Variants in METTL15 observed in about 807,000 individuals in gnomAD.
The protein encoded by METTL15 is 12S rRNA N(4)-cytidine methyltransferase METTL15.
METTL15 carries 34 observed loss-of-function variants against 38.3 expected under a neutral mutation model. That is an observed-to-expected ratio of 0.89 (90% confidence interval 0.68 to 1.18). The LOEUF is 1.18. Ranked by LOEUF, METTL15 falls within the 50% of genes most tolerant of loss-of-function variation. METTL15 has a pLI of 0.00. For synonymous variants in METTL15, 162 were observed against 170.9 expected (o/e 0.95, Z 0.41); for missense variants, 438 against 498.4 (o/e 0.88, Z 1.15).
intron 3 of METTL15, among the ~76,000 whole-genome samples, chr11:28,121,870 GGGA>G (rs1194188086): frequency 6.6e-6 from 1 of 151,856 alleles, no homozygotes; most frequent in African/African-American, 2.4e-5. Context: ...TCTGTTATTT[GGGA>G]TAAATGTAGC....
At chr11:28,497,301 G>A in intron 6 of METTL15, among the ~76,000 whole-genome samples, 1 of 152,298 alleles carries the variant, frequency 6.6e-6, no homozygotes, top group East Asian at 1.9e-4. Context: ...ATGACGTGGT[G>A]CCACAACATA....
At chr11:28,521,113 T>C (rs1000598506) in intron 6 of METTL15, among the ~76,000 whole-genome samples, 1 of 152,192 alleles carries the variant, frequency 6.6e-6, no homozygotes, top group East Asian at 1.9e-4. Flanking sequence ...TCCATAATTG[T>C]ATTTTATACA....
chr11:28,481,742 A>C (rs553424717), intron 6 of METTL15, among the ~76,000 whole-genome samples: 5 of 152,266 alleles, frequency 3.3e-5, no homozygotes, highest in African/African-American at 1.2e-4. Context: ...CCTGTGTGAC[A>C]GTTCCAGTAG....
intron 5 of METTL15, among the ~76,000 whole-genome samples, chr11:28,392,450 A>G (rs773390488): frequency 3.9e-5 from 6 of 152,100 alleles, no homozygotes; most frequent in Non-Finnish European, 5.9e-5. Flanking sequence ...TGGTCAAATG[A>G]TCTTAAACAA....
intron 5 of METTL15, among the ~76,000 whole-genome samples, chr11:28,374,801 T>G (rs969611906): frequency 6.0e-5 from 9 of 150,720 alleles, no homozygotes; most frequent in Non-Finnish European, 1.0e-4. Flanking sequence ...TGGCTGTGGG[T>G]TTGTCATAGA....
In METTL15 at chr11:28,296,822, A is replaced by G. The variant is rs773229904; in HGVS notation, c.669A>G (p.Leu223=). 9.3e-6 allele frequency: 15 copies of G among 1,613,376 alleles called. No homozygotes were observed. Among genetic ancestry groups the G allele is most frequent in the Non-Finnish European group, 1.3e-5 (15 of 1,179,688 alleles). The part of the protein sequence containing the change: ...ALDQQALASI[L]RTYGEEKHAK... ...ATCAACAGGCACTTGCATCTATCCTAAGAACATACGGGGAGGAGAAGCATG... is the reference window on the plus strand; with the variant it reads ...ATCAACAGGCACTTGCATCTATCCTGAGAACATACGGGGAGGAGAAGCATG... The change falls in exon 6 of 7, where the codon CTA becomes CTG. Residue 223 remains leucine, a synonymous_variant. Transcript: ENST00000407364.
chr11:28,130,587 G>T (rs1238103719), intron 3 of METTL15, among the ~76,000 whole-genome samples: 1 of 150,510 alleles, frequency 6.6e-6, no homozygotes, highest in Non-Finnish European at 1.5e-5. Flanking sequence ...TGAGCTGATG[G>T]AAAGGTCTAG....
intron 6 of METTL15, among the ~76,000 whole-genome samples, chr11:28,481,503 G>A (rs1450793019): frequency 6.6e-6 from 1 of 152,138 alleles, no homozygotes; most frequent in African/African-American, 2.4e-5. Flanking sequence ...CCCTGCAAAG[G>A]GATTCAGTCT....
chr11:28,389,752 T>C (rs1378959675), intron 5 of METTL15, among the ~76,000 whole-genome samples: 1 of 151,774 alleles, frequency 6.6e-6, no homozygotes, highest in Non-Finnish European at 1.5e-5. Context: ...TACCCAGTAA[T>C]GGGATGGCTG....
At chr11:28,262,414 A>C (rs1166675678) in intron 4 of METTL15, among the ~76,000 whole-genome samples, 2 of 151,330 alleles carry the variant, frequency 1.3e-5, no homozygotes, top group African/African-American at 4.8e-5. Flanking sequence ...TATATATGCT[A>C]TATACACAGA....
chr11:28,356,525 ACT>A (rs771094420), intron 4 of METTL15, among the ~76,000 whole-genome samples: 16 of 152,016 alleles, frequency 1.1e-4, no homozygotes, highest in Non-Finnish European at 2.4e-4. Context: ...GCAAATGAAA[ACT>A]CTCTGCAGGA....
chr11:28,126,810 A>C (rs1249563189), intron 3 of METTL15, among the ~76,000 whole-genome samples: 1 of 152,162 alleles, frequency 6.6e-6, no homozygotes, highest in African/African-American at 2.4e-5. Flanking sequence ...TTATCAAGTA[A>C]TTATTCAAGT....
intron 4 of METTL15, among the ~76,000 whole-genome samples, chr11:28,262,143 G>C (rs1325429219): frequency 6.6e-6 from 1 of 152,008 alleles, no homozygotes; most frequent in African/African-American, 2.4e-5. Context: ...GTTAATTTTT[G>C]TAAAAAATAA....
intron 6 of METTL15, among the ~76,000 whole-genome samples, chr11:28,471,316 A>T (rs1851301103): frequency 6.6e-6 from 1 of 152,180 alleles, no homozygotes. Flanking sequence ...ATCCCAACCC[A>T]GATTCAAGGG....
chr11:28,288,068 C>G (rs1259413341), intron 4 of METTL15, among the ~76,000 whole-genome samples: 1 of 152,102 alleles, frequency 6.6e-6, no homozygotes, highest in Non-Finnish European at 1.5e-5. Context: ...GAAAAAAGCT[C>G]AACATCACTG....
At chr11:28,178,049 T>G (rs1210112889) in intron 3 of METTL15, among the ~76,000 whole-genome samples, 1 of 151,958 alleles carries the variant, frequency 6.6e-6, no homozygotes, top group Non-Finnish European at 1.5e-5. Flanking sequence ...AGTTACCTTC[T>G]TTTTACTTTC....
chr11:28,276,331 C>A (rs2133965507), intron 4 of METTL15, among the ~76,000 whole-genome samples: 1 of 152,094 alleles, frequency 6.6e-6, no homozygotes, highest in South Asian at 2.1e-4. Flanking sequence ...ATCAAGAAGG[C>A]AATTCCACTT....
intron 6 of METTL15, among the ~76,000 whole-genome samples, chr11:28,514,368 C>A (rs540963220): frequency 6.6e-6 from 1 of 152,168 alleles, no homozygotes; most frequent in Admixed American, 6.6e-5. Flanking sequence ...GAGACTGCTG[C>A]AGCCACAAGG....
chr11:28,316,682 A>G (rs755808058), intron 6 of METTL15, among the ~76,000 whole-genome samples: 3 of 152,158 alleles, frequency 2.0e-5, no homozygotes, highest in African/African-American at 7.2e-5. Context: ...ACATAATTCA[A>G]TGTGTTGTGG....
Sources: gnomAD v4.1 joint callset for allele counts (sites outside exome capture counted in the v4.1 genomes callset) on GRCh38, gnomAD v4.1.1 for gene constraint, MANE v1.5 for transcripts, NCBI Gene and HGNC (gene_info 2026-07-23, HGNC 2026-07-21) for gene names.